Variants in CEP131 observed in about 807,000 individuals in gnomAD.
CEP131 encodes the protein centrosomal protein 131.
In CEP131, 99 loss-of-function variants were observed where a neutral mutation model predicts 136.8. The observed-to-expected ratio is 0.72, with a 90% CI of 0.62 to 0.86. The LOEUF (loss-of-function observed/expected upper bound fraction) is 0.86, where lower values mean the gene tolerates loss of function less well. Among genes scored for constraint, CEP131 ranks in the 40% least tolerant of loss-of-function variants. The pLI, the probability that CEP131 is intolerant of heterozygous loss-of-function variation, is 0.00. For missense variants in CEP131, 1,459 were observed against 1,463.0 expected (o/e 1.00, Z 0.04); for synonymous variants, 646 against 612.7 (o/e 1.05, Z -0.80).
rs368740709 is a variant in CEP131, at chr17:81,197,660, C to T, written c.1647+52G>A. 600 of 1,555,976 alleles carry T rather than the reference C, an allele frequency of 3.9e-4. 6 individuals carry two copies. The South Asian group carries it at 6.1e-3, about 16-fold the overall frequency. On this transcript the variant is annotated intron_variant, in intron 13 of 25. Transcript: ENST00000450824. The stretch of plus-strand genomic sequence containing the variant: ...CTCCCCCGAGGGCCAGGTGCAGGCT[C>T]GTGAGGGGCCTCCTCCCACTGGGGG...
At position 81,190,967 on chromosome 17, in the gene CEP131, C is replaced by T. The variant is rs542859751; in HGVS notation, c.2883G>A (p.Glu961=). Residue 961 remains glutamate, a synonymous_variant, in exon 23 of 26, where the codon GAG becomes GAA. Transcript: ENST00000450824. ...LKGQLGEAEG[E]NLRLQGLVRQ... ...GCACAAGGCCCTGCAGACGCAGATT[C>T]TCGCCCTCGGCCTCCCCAAGCTGGC... 2 of 1,606,070 alleles carry T rather than the reference C, an allele frequency of 1.2e-6. No homozygotes were observed. The highest frequency in any genetic ancestry group is 2.2e-5 in the South Asian group (2 of 91,084).
Position 81,196,939 on chromosome 17 carries a change from C to G in CEP131, c.1764G>C (p.Gln588His), listed in dbSNP as rs1029981067. 1.2e-6 allele frequency: 2 copies of G among 1,609,746 alleles called. No homozygotes were observed. Among genetic ancestry groups the G allele is most frequent in the African/African-American group, 2.7e-5 (2 of 74,872 alleles). The part of the protein sequence containing the change: ...EEKKQAMLLL[Q>H]RALAQQRDLT... The stretch of plus-strand genomic sequence containing the variant: ...GTGCCAGCAGCGTTACCAGCGCTCT[C>G]TGCAGCAGCAGCATGGCCTGCTTCT... The change falls in exon 14 of 26, where the codon CAG becomes CAC. Residue 588 changes from glutamine (Q) to histidine (H), a missense_variant. By Grantham distance (24) the Gln-to-His change is conservative (BLOSUM62 0). Coordinates refer to ENST00000450824, the MANE Select transcript of CEP131 (RefSeq NM_014984.4).
rs1598275815 is a variant in CEP131 at position 81,195,711 on chromosome 17, T to C, written c.2016+124A>G. On this transcript the variant is annotated intron_variant, in intron 16 of 25. Transcript: ENST00000450824. ...CCCCAGACAGCCCCACCCACCGCTG[T>C]GGCCCTGACACACCGAGACAGGAAT... 1.1e-5 allele frequency: 9 copies of C among 817,426 alleles called. No individual in the cohort carries two copies. In the East Asian group the frequency reaches 2.3e-4, roughly 21 times the overall value. The allele number at this position is 817,426 out of a possible 1,614,324, so 50.6% of individuals were successfully genotyped here.
intron 17 of CEP131, among the ~76,000 whole-genome samples, chr17:81,194,497 G>A (rs898135967): frequency 1.3e-5 from 2 of 152,194 alleles, no homozygotes; most frequent in Admixed American, 6.5e-5. Flanking sequence ...TGCCCCATCC[G>A]CCTGCCTGCC....
chr17:81,194,116 C>T lies in CEP131; in HGVS notation c.2131G>A (p.Glu711Lys), dbSNP rs532103664. 5.9e-6 allele frequency: 9 copies of T among 1,538,012 alleles called. No individual in the cohort carries two copies. Among genetic ancestry groups the T allele is most frequent in the South Asian group, 1.3e-5 (1 of 79,632 alleles). ...TGCCTTGCAATCAGCTTCTGGATCT[C>T]GGGCTCCAGACCTGGGGGCGGGGCA... ...KEVTVRGLEP[E>K]IQKLIARHKQ... is the part of the protein sequence containing the mutation. The change falls in exon 18 of 26, where the codon GAG (glutamate) becomes AAG (lysine). Residue 711 changes from glutamate to lysine, a missense_variant. Glu to Lys is a moderately conservative substitution (Grantham distance 56, BLOSUM62 1). Around this residue, in one of 3 missense-constraint regions of CEP131, gnomAD observed 1,026 missense variants for 964.2 expected, o/e 1.06. Coordinates refer to ENST00000450824, the MANE Select transcript of CEP131 (RefSeq NM_014984.4).
intron 6 of CEP131, among the ~76,000 whole-genome samples, chr17:81,202,817 C>T (rs1261635030): frequency 3.9e-5 from 6 of 151,940 alleles, no homozygotes; most frequent in African/African-American, 1.5e-4. Context: ...CAAAAAAATT[C>T]GCTCGGCATG....
chr17:81,194,725 C>T (rs900654996), intron 17 of CEP131, 145 bp downstream of exon 17: 19 of 760,144 alleles, frequency 2.5e-5, no homozygotes, highest in East Asian at 4.9e-5. Flanking sequence ...GAGGCCGTGA[C>T]GGGGGTGGTT....
Position 81,204,344 on chromosome 17 carries a change from C to T in CEP131, c.516-737G>A, listed in dbSNP as rs551700998. ...GCAGAGATGGGTGATTCACCCAGGA[C>T]AGCCACCGCCACCCCTCCCCAGCAG... On this transcript the variant is annotated intron_variant, in intron 5 of 25. Coordinates refer to ENST00000450824, the MANE Select transcript of CEP131 (RefSeq NM_014984.4). Among the ~76,000 whole-genome samples, 3 of 152,268 alleles carry T rather than the reference C, an allele frequency of 2.0e-5. No homozygotes were observed. In the East Asian group the frequency reaches 5.8e-4, roughly 29 times the overall value.
intron 2 of CEP131, among the ~76,000 whole-genome samples, chr17:81,218,482 G>A (rs1046739598): frequency 6.6e-6 from 1 of 152,250 alleles, no homozygotes; most frequent in Non-Finnish European, 1.5e-5. Context: ...GAGGCAGCAG[G>A]CTCAGAGACG....
In CEP131 at chr17:81,189,801, G is replaced by A. The variant is rs532983329; in HGVS notation, c.3211C>T (p.Gln1071Ter). The A allele has an allele frequency of 1.2e-6, 2 of 1,610,708 alleles. No homozygotes were observed. Among genetic ancestry groups the A allele is most frequent in the South Asian group, 1.1e-5 (1 of 90,890 alleles). ...GTACTTGGCGTGGGCCTCCTGTGCT[G>A]CTCCAGCAGCTCCTCCAGGTGGTCG... ...RADHLEELLE[Q>*]HRRPTPSTK The change falls in exon 26 of 26, where the codon CAG (glutamine) becomes TAG (stop). Residue 1071 changes from glutamine (Q) to a stop codon, truncating the protein, a stop_gained. Coordinates refer to ENST00000450824, the MANE Select transcript of CEP131 (RefSeq NM_014984.4). LOFTEE classifies it low-confidence loss of function (END_TRUNC).
Position 81,199,665 on chromosome 17 carries a change from G to A in CEP131, c.1023+54C>T, listed in dbSNP as rs1435622749. 2.8e-5 allele frequency: 45 copies of A among 1,599,218 alleles called. No homozygotes were observed. In the East Asian group the frequency reaches 6.0e-4, roughly 21 times the overall value. On this transcript the variant is annotated intron_variant, in intron 9 of 25. Transcript: ENST00000450824. ...CCCAGGGAGCCCCAGCAGCAGCCCC[G>A]CACGGTCAGGCCTGGGCCACGGTGC...
chr17:81,202,516 G>T, intron 6 of CEP131, 118 bp from the exon 7 acceptor site: 1 of 1,267,250 alleles, frequency 7.9e-7, no homozygotes, highest in Non-Finnish European at 1.1e-6. Flanking sequence ...GTGCTGGCAG[G>T]CTGGCAGCCG....
At position 81,208,754 on chromosome 17, in the gene CEP131, G is replaced by T. The variant is rs1358816644; in HGVS notation, c.272+174C>A. Among the ~76,000 whole-genome samples, 1 of 152,194 alleles carries T rather than the reference G, an allele frequency of 6.6e-6. No homozygotes were observed. Among genetic ancestry groups the T allele is most frequent in the Non-Finnish European group, 1.5e-5 (1 of 68,028 alleles). On this transcript the variant is annotated intron_variant, in intron 3 of 25. Transcript: ENST00000450824. The surrounding 1 kb of genome is among the most constrained non-coding windows in gnomAD (Gnocchi z 5.6). ...GGCCTCCCGCCCCAATGCGAGAGGA[G>T]GCCTGGGACACAAAGCTGGCCCGTG...
intron 5 of CEP131, among the ~76,000 whole-genome samples, chr17:81,204,311 C>T (rs533020766): frequency 6.6e-6 from 1 of 152,300 alleles, no homozygotes; most frequent in Admixed American, 6.5e-5. Flanking sequence ...GCTGGCCCTG[C>T]AGGTGGGGCA....
At chr17:81,195,766 G>A in intron 16 of CEP131, 69 bp downstream of exon 16, 1 of 1,378,584 alleles carries the variant, frequency 7.3e-7, no homozygotes, top group Non-Finnish European at 1.0e-6. Context: ...CTGTTCTGGG[G>A]GCTGTGCCAG....
At chr17:81,211,093 C>T (rs2062123225) in intron 2 of CEP131, among the ~76,000 whole-genome samples, 1 of 152,324 alleles carries the variant, frequency 6.6e-6, no homozygotes, top group Non-Finnish European at 1.5e-5. Context: ...CGGGCTTGGT[C>T]ATACCTTCCA....
In CEP131 at chr17:81,190,773, G is replaced by A; in HGVS notation, c.2973C>T (p.Ser991=). Residue 991 remains serine, a synonymous_variant, in exon 24 of 26, where the codon AGC becomes AGT. Coordinates refer to ENST00000450824, the MANE Select transcript of CEP131 (RefSeq NM_014984.4). ...CCTGGCGGATCACCTGGGCCAGGTT[G>A]CTGCGCTCGCTAGAAAGCTGCTCGT... ...AVNEQLSSER[S]NLAQVIRQEF... 6.2e-7 allele frequency: 1 copy of A among 1,611,494 alleles called. No individual in the cohort carries two copies. The highest frequency in any genetic ancestry group is 8.5e-7 in the Non-Finnish European group (1 of 1,179,288).
At chr17:81,193,813 T>C (rs1014402433) in intron 18 of CEP131, 113 bp downstream of exon 18, 1 of 1,206,218 alleles carries the variant, frequency 8.3e-7, no homozygotes, top group Non-Finnish European at 1.1e-6. Flanking sequence ...CCTCCCTGCA[T>C]GCTGCACTAA....
chr17:81,200,593 T>C, intron 7 of CEP131, 147 bp from the exon 8 acceptor site: 1 of 629,522 alleles, frequency 1.6e-6, no homozygotes, highest in South Asian at 1.8e-5. Context: ...CCAGCCCACC[T>C]GGACCATTTT....
Sources: gnomAD v4.1 joint callset for allele counts (sites outside exome capture counted in the v4.1 genomes callset) on GRCh38, gnomAD v4.1.1 for gene constraint, gnomAD v4.1.1 regional missense constraint, Gnocchi (gnomAD v3.1) non-coding constraint, MANE v1.5 for transcripts, NCBI Gene and HGNC (gene_info 2026-07-23, HGNC 2026-07-21) for gene names.